PDE1A: variants seen among roughly 807,000 people sequenced by gnomAD.
The protein encoded by PDE1A is phosphodiesterase 1A.
In PDE1A, 35 loss-of-function variants were observed where a neutral mutation model predicts 61.7. The ratio of observed to expected loss-of-function variants is 0.57; its 90% CI spans 0.43 to 0.75. The LOEUF is 0.75. Among genes scored for constraint, PDE1A ranks in the 30% least tolerant of loss-of-function variants. The pLI is 0.00. For missense variants in PDE1A, 597 were observed against 630.6 expected (o/e 0.95, Z 0.57); for synonymous variants, 232 against 213.2 (o/e 1.09, Z -0.77).
chr2:182,435,205 C>T (rs947702262), intron 2 of PDE1A, among the ~76,000 whole-genome samples: 1 of 152,034 alleles, frequency 6.6e-6, no homozygotes, highest in African/African-American at 2.4e-5. Flanking sequence ...GCCAAACATC[C>T]GTTGCTTAGT....
At chr2:182,538,310 C>CTTGCTT in the PDE1A span, among the ~76,000 whole-genome samples, 1 of 152,194 alleles carries the variant, frequency 6.6e-6, no homozygotes, top group Admixed American at 6.5e-5. Context: ...CTGTGCCTCT[C>CTTGCTT]TTGCTTTTTG....
intron 2 of PDE1A, among the ~76,000 whole-genome samples, chr2:182,519,482 A>C (rs767107269): frequency 6.6e-6 from 1 of 152,006 alleles, no homozygotes; most frequent in Non-Finnish European, 1.5e-5. Flanking sequence ...AGAAGTCTAC[A>C]TCAGAATGGG....
At chr2:182,550,418 T>C in the PDE1A span, among the ~76,000 whole-genome samples, 20 of 152,204 alleles carry the variant, frequency 1.3e-4, no homozygotes, top group African/African-American at 4.3e-4. Flanking sequence ...TATACTTCTC[T>C]GGCACAGATC....
chr2:182,715,260 C>G, the PDE1A span, among the ~76,000 whole-genome samples: 1 of 152,196 alleles, frequency 6.6e-6, no homozygotes. Context: ...GAGCCACTAT[C>G]TTGTAAGATT....
chr2:182,535,071 A>AC, the PDE1A span, among the ~76,000 whole-genome samples: 128,876 of 151,916 alleles, frequency 0.85, 54,842 homozygotes, highest in East Asian at 0.99. Context: ...CCCTTATCAA[A>AC]AGTATTTTTT....
intron 2 of PDE1A, among the ~76,000 whole-genome samples, chr2:182,248,657 C>G (rs1239663913): frequency 6.6e-6 from 1 of 152,164 alleles, no homozygotes; most frequent in Admixed American, 6.5e-5. Flanking sequence ...TTGACTCTTA[C>G]AATCATATGT....
At chr2:182,401,744 T>G (rs990518846) in intron 1 of PDE1A, among the ~76,000 whole-genome samples, 1 of 152,204 alleles carries the variant, frequency 6.6e-6, no homozygotes, top group Non-Finnish European at 1.5e-5. Flanking sequence ...TTGTCTCTGT[T>G]TGCAGATGAC....
the PDE1A span, among the ~76,000 whole-genome samples, chr2:182,652,545 TCCCCAGCC>T: frequency 6.6e-6 from 1 of 152,104 alleles, no homozygotes; most frequent in Non-Finnish European, 1.5e-5. Flanking sequence ...GGAACTATCC[TCCCCAGCC>T]ACAGCCGGAT....
chr2:182,517,401 C>T (rs764219137), intron 2 of PDE1A, among the ~76,000 whole-genome samples: 4 of 152,292 alleles, frequency 2.6e-5, no homozygotes, highest in Admixed American at 6.5e-5. Context: ...TCACTATTTT[C>T]GCAGCCTGGC....
chr2:182,340,176 G>A (rs1698096278), intron 1 of PDE1A, among the ~76,000 whole-genome samples: 1 of 152,116 alleles, frequency 6.6e-6, no homozygotes, highest in South Asian at 2.1e-4. Flanking sequence ...ATAAGCAAAT[G>A]GCTGCTTTTA....
chr2:182,187,508 T>G (rs6433959), intron 11 of PDE1A, among the ~76,000 whole-genome samples: 113,425 of 152,034 alleles, frequency 0.75, 42,542 homozygotes, highest in East Asian at 0.91. Context: ...TAGCTGGAGG[T>G]AGGCTTTTTA....
At chr2:182,458,069 G>A (rs1253815135) in intron 2 of PDE1A, among the ~76,000 whole-genome samples, 4 of 152,004 alleles carry the variant, frequency 2.6e-5, no homozygotes, top group Non-Finnish European at 4.4e-5. Context: ...ATGATATTGA[G>A]ATACATATTT....
At chr2:182,340,121 T>C (rs567059176) in intron 1 of PDE1A, among the ~76,000 whole-genome samples, 1 of 152,270 alleles carries the variant, frequency 6.6e-6, no homozygotes, top group South Asian at 2.1e-4. Context: ...TAAAATGAAG[T>C]ATATGCAGTT....
the PDE1A span, among the ~76,000 whole-genome samples, chr2:182,608,126 C>G: frequency 6.6e-6 from 1 of 152,324 alleles, no homozygotes; most frequent in South Asian, 2.1e-4. Context: ...GTTCCATTCT[C>G]CCCTGAGGCT....
chr2:182,477,388 A>T (rs1559498262), intron 2 of PDE1A, among the ~76,000 whole-genome samples: 2 of 152,070 alleles, frequency 1.3e-5, no homozygotes, highest in East Asian at 3.9e-4. Flanking sequence ...CAGCTGCTTT[A>T]AACACTTGAC....
intron 1 of PDE1A, among the ~76,000 whole-genome samples, chr2:182,425,145 G>A (rs1703531060): frequency 6.6e-6 from 1 of 152,136 alleles, no homozygotes; most frequent in Admixed American, 6.6e-5. Flanking sequence ...GCTCTCCAAA[G>A]GGGTAATACA....
At chr2:182,649,803 T>C in the PDE1A span, among the ~76,000 whole-genome samples, 1 of 151,970 alleles carries the variant, frequency 6.6e-6, no homozygotes, top group Non-Finnish European at 1.5e-5. Context: ...AGAAACAGGG[T>C]TTCACCATCT....
intron 10 of PDE1A, among the ~76,000 whole-genome samples, chr2:182,196,250 T>C (rs902745103): frequency 1.3e-5 from 2 of 151,992 alleles, no homozygotes; most frequent in African/African-American, 4.8e-5. Flanking sequence ...AATCCAGAAA[T>C]TGGTGAACTT....
chr2:182,225,506 A>T (rs1253173839), intron 6 of PDE1A, among the ~76,000 whole-genome samples: 1 of 151,892 alleles, frequency 6.6e-6, no homozygotes, highest in Admixed American at 6.6e-5. Context: ...TTGTTTGTTA[A>T]ATTGTAGTTT....
Sources: allele counts gnomAD v4.1 joint callset (sites outside exome capture counted in the v4.1 genomes callset), GRCh38; gene constraint gnomAD v4.1.1; transcripts MANE v1.5; gene names NCBI Gene and HGNC (gene_info 2026-07-23, HGNC 2026-07-21).